GON4L: variants seen among roughly 807,000 people sequenced by gnomAD.
The protein encoded by GON4L is gon-4 like.
A neutral mutation model predicts 211.8 loss-of-function variants in GON4L; 87 were observed. The ratio of observed to expected loss-of-function variants is 0.41; its 90% CI spans 0.35 to 0.49. GON4L has a LOEUF of 0.49. GON4L is among the 20% of genes least tolerant of loss of function. The probability of loss-of-function intolerance (pLI) is 0.15; values close to 1 mark genes in which losing one functional copy is unlikely to be tolerated. For missense variants in GON4L, 2,155 were observed against 2,659.5 expected (o/e 0.81, Z 4.17); for synonymous variants, 875 against 962.6 (o/e 0.91, Z 1.68).
chr1:155,833,815 G>GTT (rs969573877), intron 2 of GON4L, among the ~76,000 whole-genome samples: 3 of 149,732 alleles, frequency 2.0e-5, no homozygotes, highest in Non-Finnish European at 4.4e-5. Context: ...AATCTCTGGG[G>GTT]TTTCATTCCT....
At chr1:155,819,446 C>T (rs1170930530) in intron 6 of GON4L, among the ~76,000 whole-genome samples, 3 of 152,032 alleles carry the variant, frequency 2.0e-5, no homozygotes, top group Non-Finnish European at 4.4e-5. Flanking sequence ...GACAAGGTCT[C>T]GGTCTCATTA....
intron 9 of GON4L, 30 bp downstream of exon 9, chr1:155,814,300 T>A: frequency 1.9e-6 from 3 of 1,595,098 alleles, no homozygotes; most frequent in Non-Finnish European, 2.6e-6. Flanking sequence ...CAGTTATGTC[T>A]AACATCTCTT....
chr1:155,798,853 C>A (rs967237975), intron 11 of GON4L, among the ~76,000 whole-genome samples: 1 of 152,110 alleles, frequency 6.6e-6, no homozygotes, highest in Non-Finnish European at 1.5e-5. Context: ...CCACACCACA[C>A]AAATGGGTCA....
At chr1:155,848,030 CCCTTTTCTAGAA>C (rs1671420461) in intron 2 of GON4L, among the ~76,000 whole-genome samples, 1 of 152,104 alleles carries the variant, frequency 6.6e-6, no homozygotes, top group African/African-American at 2.4e-5. Context: ...AACTCCCTGC[CCCTTTTCTAGAA>C]AATTGATGAA....
At chr1:155,779,980 G>A (rs1664247095) in intron 14 of GON4L, among the ~76,000 whole-genome samples, 2 of 151,690 alleles carry the variant, frequency 1.3e-5, no homozygotes, top group Non-Finnish European at 2.9e-5. Flanking sequence ...GTATTTTTTT[G>A]TAGAGACAGG....
At chr1:155,796,768 C>G (rs927400152) in intron 11 of GON4L, among the ~76,000 whole-genome samples, 9 of 151,452 alleles carry the variant, frequency 5.9e-5, no homozygotes, top group African/African-American at 2.2e-4. Flanking sequence ...TTGTATCATA[C>G]AGTAGCCATT....
upstream of GON4L, among the ~76,000 whole-genome samples, chr1:155,858,939 C>A (rs914638505): frequency 7.9e-5 from 12 of 151,998 alleles, no homozygotes; most frequent in African/African-American, 2.9e-4. Context: ...AAGTGATCTG[C>A]CCGCCTTGGC....
Position 155,832,407 on chromosome 1 carries a change from G to A in GON4L, c.506-5379C>T, listed in dbSNP as rs370382595. On this transcript the variant is annotated intron_variant, in intron 2 of 31. Transcript: ENST00000368331. Reference sequence around the variant, plus strand: ...CGTAATCCCAGCACTTTGGGAGGCCGAGGCAGGTGGATCACAAGGTCAGGA... The same window carrying A: ...CGTAATCCCAGCACTTTGGGAGGCCAAGGCAGGTGGATCACAAGGTCAGGA... Among the ~76,000 whole-genome samples the A allele has an allele frequency of 1.6e-3, 239 of 152,140 alleles. 2 individuals are homozygous for A. The highest frequency in any genetic ancestry group is 4.8e-3 in the African/African-American group (201 of 41,492).
intron 2 of GON4L, among the ~76,000 whole-genome samples, chr1:155,830,733 C>A (rs982485997): frequency 2.6e-5 from 4 of 151,882 alleles, no homozygotes; most frequent in African/African-American, 9.7e-5. Flanking sequence ...ACTACAGGTT[C>A]CTGCCACCAT....
Position 155,795,199 on chromosome 1 carries a change from T to G in GON4L, c.1646-48A>C, listed in dbSNP as rs1323001546. 5 of 1,013,690 alleles carry G rather than the reference T, an allele frequency of 4.9e-6. No homozygotes were observed. In the Admixed American group the frequency reaches 6.8e-5, roughly 14 times the overall value. 62.8% of individuals were successfully genotyped at this position (1,013,690 alleles called of 1,614,324 possible). A position where few individuals can be genotyped will look rare whatever the true frequency, so the allele number is the denominator to read the frequency against. ...ATGCTCATTAACTCTGTTCTCAAACTTCTAAGAATCTGTTCCAATAAAGCA... is the reference window on the plus strand; with the variant it reads ...ATGCTCATTAACTCTGTTCTCAAACGTCTAAGAATCTGTTCCAATAAAGCA... On this transcript the variant is annotated intron_variant, in intron 11 of 31. Transcript: ENST00000368331.
At chr1:155,760,972 T>G (rs1331573071) in intron 23 of GON4L, among the ~76,000 whole-genome samples, 1 of 152,180 alleles carries the variant, frequency 6.6e-6, no homozygotes, top group Non-Finnish European at 1.5e-5. Context: ...AACATGTGTT[T>G]GTACATGTAT....
At position 155,791,932 on chromosome 1, in the gene GON4L, C is replaced by CATAACATAACATAACATAACATAAT. The variant is rs1553205802; in HGVS notation, c.1747+3117_1747+3118insATTATGTTATGTTATGTTATGTTAT. ...CATAACATAACATAACATCACATAA[C>CATAACATAACATAACATAACATAAT]ATAACATAACATAAAGACAAATAGG... On this transcript the variant is annotated intron_variant, in intron 12 of 31. Coordinates refer to ENST00000368331, the MANE Select transcript of GON4L (RefSeq NM_001282860.2). Among the ~76,000 whole-genome samples the CATAACATAACATAACATAACATAAT allele has an allele frequency of 6.0e-5, 8 of 133,130 alleles. 1 individual carries two copies. Among genetic ancestry groups the CATAACATAACATAACATAACATAAT allele is most frequent in the African/African-American group, 1.4e-4 (5 of 35,404 alleles). 87.3% of individuals were successfully genotyped at this position (133,130 alleles called of 152,430 possible).
In GON4L at chr1:155,822,456, T is replaced by C. The variant is rs1187782207; in HGVS notation, c.718A>G (p.Ser240Gly). ...TTTTTCTTTTTTCTCCTTTTCTCAC[T>C]TTCTTCATTGTCTTGTTCTTCTGCA... ...IPMEEQDNEESEKRRKKKKGT... is the reference protein window; with the variant it reads ...IPMEEQDNEEGEKRRKKKKGT... The change falls in exon 4 of 32, where the codon AGT becomes GGT. Residue 240 changes from serine (S) to glycine (G), a missense_variant. Ser to Gly is a moderately conservative substitution (Grantham distance 56). This residue lies in a region of GON4L where 313 missense variants were observed against 293.2 expected (regional missense o/e 1.07). Coordinates refer to ENST00000368331, the MANE Select transcript of GON4L (RefSeq NM_001282860.2). 2 of 1,613,576 alleles carry C rather than the reference T, an allele frequency of 1.2e-6. No homozygotes were observed. Among genetic ancestry groups the C allele is most frequent in the Non-Finnish European group, 1.7e-6 (2 of 1,179,624 alleles).
chr1:155,747,730 C>T, downstream of GON4L: 1 of 1,613,870 alleles, frequency 6.2e-7, no homozygotes, highest in Non-Finnish European at 8.5e-7. Context: ...TCTCATCCTG[C>T]TAACTATCTT....
chr1:155,825,718 G>A (rs1162926999), intron 3 of GON4L, among the ~76,000 whole-genome samples: 1 of 151,828 alleles, frequency 6.6e-6, no homozygotes, highest in Non-Finnish European at 1.5e-5. Flanking sequence ...GCAATATAGT[G>A]GGGCTCCGTC....
At chr1:155,858,129 G>T (rs1428081732), upstream of GON4L, among the ~76,000 whole-genome samples, 1 of 152,130 alleles carries the variant, frequency 6.6e-6, no homozygotes, top group Non-Finnish European at 1.5e-5. Context: ...TGTCCAGGAG[G>T]CTGCCTGGGG....
intron 2 of GON4L, among the ~76,000 whole-genome samples, chr1:155,847,361 G>A (rs1429292639): frequency 6.6e-6 from 1 of 152,140 alleles, no homozygotes; most frequent in African/African-American, 2.4e-5. Flanking sequence ...CCTGAGGTCA[G>A]GAGTTCAAGA....
rs750332292 is a variant in GON4L, at chr1:155,762,344, C to T, written c.4757G>A (p.Arg1586Gln). ...CTTGTTGCGAGCTCGATGATTGTTC[C>T]GGCCTTTTCCAGCAGCTTTGATGCT... ...GESIKAAGKG[R>Q]NNHRARNKRG... Residue 1586 changes from arginine (R) to glutamine (Q), a missense_variant, in exon 23 of 32, where the codon CGG (arginine) becomes CAG (glutamine). Transcript: ENST00000368331. The T allele has an allele frequency of 1.5e-5, 24 of 1,612,178 alleles. No homozygotes were observed. The highest frequency in any genetic ancestry group is 1.8e-5 in the Non-Finnish European group (21 of 1,178,500).
At chr1:155,826,790 C>T (rs1306323476) in intron 3 of GON4L, 47 bp downstream of exon 3, 7 of 1,258,910 alleles carry the variant, frequency 5.6e-6, no homozygotes, top group Non-Finnish European at 8.1e-6. Flanking sequence ...ACATATTATA[C>T]TTCAATAAAG....
Sources: allele counts gnomAD v4.1 joint callset (sites outside exome capture counted in the v4.1 genomes callset), GRCh38; gene constraint gnomAD v4.1.1; regional missense constraint gnomAD v4.1.1; transcripts MANE v1.5; gene names NCBI Gene and HGNC (gene_info 2026-07-23, HGNC 2026-07-21).